STK31: variants seen among roughly 807,000 people sequenced by gnomAD.
STK31 encodes the protein serine/threonine kinase 31, also known as serine/threonine-protein kinase 31.
In STK31, 89 loss-of-function variants were observed where a neutral mutation model predicts 129.7. The ratio of observed to expected loss-of-function variants is 0.69; its 90% CI spans 0.58 to 0.82. The LOEUF (loss-of-function observed/expected upper bound fraction) is 0.82, where lower values mean the gene tolerates loss of function less well. Ranked by LOEUF, STK31 falls within the 40% of genes least tolerant of loss-of-function variation. The pLI is 0.00. For synonymous variants in STK31, 448 were observed against 395.3 expected (o/e 1.13, Z -1.58); for missense variants, 1,187 against 1,176.4 (o/e 1.01, Z -0.13).
chr7:23,769,803 T>G (rs1156442110), intron 13 of STK31, 47 bp downstream of exon 13: 2 of 1,265,930 alleles, frequency 1.6e-6, no homozygotes. Context: ...AGCAGTGTGG[T>G]TTCCTTTCAT....
chr7:23,769,468 C>T (rs1790046405), intron 12 of STK31, among the ~76,000 whole-genome samples, 172 bp from the exon 13 acceptor site: 1 of 152,034 alleles, frequency 6.6e-6, no homozygotes, highest in Non-Finnish European at 1.5e-5. Context: ...TGTGTATGTA[C>T]CTTTTCCTTT....
chr7:23,766,206 G>T (rs112521399), intron 11 of STK31, among the ~76,000 whole-genome samples: 2,136 of 152,202 alleles, frequency 0.014, 42 homozygotes, highest in African/African-American at 0.049. Flanking sequence ...CAAGTTCAAA[G>T]GCCATGTTTC....
chr7:23,751,536 A>G (rs147892386), intron 8 of STK31, among the ~76,000 whole-genome samples: 2,488 of 152,290 alleles, frequency 0.016, 25 homozygotes, highest in Non-Finnish European at 0.025. Flanking sequence ...TGTATCCTAT[A>G]GCTGTTGGGT....
chr7:23,804,477 A>G (rs1285876272), intron 22 of STK31, among the ~76,000 whole-genome samples: 1 of 152,218 alleles, frequency 6.6e-6, no homozygotes, highest in East Asian at 1.9e-4. Flanking sequence ...CCACAGTTAT[A>G]TGCTGAAGTA....
intron 6 of STK31, among the ~76,000 whole-genome samples, chr7:23,730,381 C>A (rs925546304): frequency 6.6e-6 from 1 of 152,098 alleles, no homozygotes; most frequent in Non-Finnish European, 1.5e-5. Flanking sequence ...AAAAACATTT[C>A]TGTACATGAA....
rs577266762 is a variant in STK31 at position 23,784,280 on chromosome 7, C to T, written c.2148+617C>T. 5.3e-5 allele frequency among the ~76,000 whole-genome samples: 8 copies of T among 152,214 alleles called. No homozygotes were observed. In the East Asian group the frequency reaches 1.5e-3, roughly 29 times the overall value. On this transcript the variant is annotated intron_variant, in intron 17 of 23. Coordinates refer to ENST00000355870, the MANE Select transcript of STK31 (RefSeq NM_031414.5). ...TGAGGTATTTATTCATTAAGATTGT[C>T]ACGAAGTCCATTATAATGGCTTAAA...
At chr7:23,800,802 A>G (rs1326473166) in intron 22 of STK31, among the ~76,000 whole-genome samples, 2 of 151,732 alleles carry the variant, frequency 1.3e-5, no homozygotes, top group Admixed American at 6.6e-5. Context: ...TATTAGTGGT[A>G]TCATACAGTA....
intron 22 of STK31, among the ~76,000 whole-genome samples, chr7:23,806,042 C>A (rs1792686523): frequency 6.6e-6 from 1 of 152,198 alleles, no homozygotes. Context: ...TGCAAGACCA[C>A]CTTCTGCCTT....
chr7:23,761,573 ACT>A (rs1470648123), intron 10 of STK31, among the ~76,000 whole-genome samples: 1 of 151,182 alleles, frequency 6.6e-6, no homozygotes, highest in Admixed American at 6.6e-5. Flanking sequence ...GGCGCCTGCC[ACT>A]CTGCCCAGCT....
intron 15 of STK31, among the ~76,000 whole-genome samples, chr7:23,778,507 G>A (rs191782789): frequency 1.3e-5 from 2 of 151,988 alleles, no homozygotes; most frequent in African/African-American, 2.4e-5. Flanking sequence ...TCACATAGTC[G>A]AATATTTCTT....
At chr7:23,730,874 A>ATTTTTTTTTT (rs1460221456) in intron 6 of STK31, among the ~76,000 whole-genome samples, 1 of 59,732 alleles carries the variant, frequency 1.7e-5, no homozygotes, top group Admixed American at 2.7e-4. Flanking sequence ...ATATATATAT[A>ATTTTTTTTTT]TATATTTTTT....
At chr7:23,827,892 G>C (rs577217635) in intron 23 of STK31, among the ~76,000 whole-genome samples, 2 of 152,294 alleles carry the variant, frequency 1.3e-5, no homozygotes, top group East Asian at 3.9e-4. Flanking sequence ...ATCAGCAGTG[G>C]TGGCTGCAGA....
rs2128103773 is a variant in STK31, at chr7:23,771,034, T to C, written c.1743T>C (p.Ile581=). ...VDQGDADKEI[I]SNTYSQVLQK... ...AAGGTGATGCAGACAAGGAGATAAT[T>C]TCAAATACATATAGTCAAGTACTGC... is the stretch of plus-strand genomic sequence containing the variant. Residue 581 remains isoleucine (I), a synonymous_variant, in exon 14 of 24, where the codon ATT becomes ATC. Coordinates refer to ENST00000355870, the MANE Select transcript of STK31 (RefSeq NM_031414.5). The C allele has an allele frequency of 6.2e-7, 1 of 1,612,200 alleles. No homozygotes were observed. The highest frequency in any genetic ancestry group is 2.2e-5 in the East Asian group (1 of 44,742).
At position 23,772,218 on chromosome 7, in the gene STK31, A is replaced by G. The variant is rs779610411; in HGVS notation, c.1905A>G (p.Thr635=). The G allele has an allele frequency of 8.7e-6, 14 of 1,609,166 alleles. No individual in the cohort carries two copies. The South Asian group carries it at 1.2e-4, about 14-fold the overall frequency. The change falls in exon 15 of 24, where the codon ACA becomes ACG. Residue 635 remains threonine, a synonymous_variant. Coordinates refer to ENST00000355870, the MANE Select transcript of STK31 (RefSeq NM_031414.5). The part of the protein sequence containing the change: ...SVDHLLSIKK[T]LKSLKALLRW... ...ATCACTTGCTATCCATTAAGAAGAC[A>G]TTGAAAAGCTTAAAAGCTCTACTCA...
chr7:23,712,942 T>C (rs1386961714), intron 3 of STK31, among the ~76,000 whole-genome samples: 1 of 152,142 alleles, frequency 6.6e-6, no homozygotes. Flanking sequence ...CCCTACAGCA[T>C]GGGAACTCCT....
chr7:23,818,950 A>G (rs1467742265), intron 23 of STK31, among the ~76,000 whole-genome samples: 1 of 152,240 alleles, frequency 6.6e-6, no homozygotes, highest in South Asian at 2.1e-4. Context: ...ATCAGCTTTC[A>G]TGGCTATTCT....
chr7:23,762,482 G>A (rs1026921343), intron 10 of STK31, among the ~76,000 whole-genome samples: 13 of 152,024 alleles, frequency 8.6e-5, no homozygotes, highest in African/African-American at 2.7e-4. Flanking sequence ...GTTGAGAATG[G>A]GATGGGAATA....
intron 15 of STK31, among the ~76,000 whole-genome samples, chr7:23,778,696 TC>T (rs1485343241): frequency 6.6e-6 from 1 of 152,064 alleles, no homozygotes; most frequent in African/African-American, 2.4e-5. Flanking sequence ...TCATTTATGT[TC>T]TTCTCTAAAC....
intron 17 of STK31, 46 bp downstream of exon 17, chr7:23,783,709 G>A (rs753173164): frequency 7.0e-7 from 1 of 1,427,662 alleles, no homozygotes; most frequent in Non-Finnish European, 9.7e-7. Context: ...AGAGGGTGTT[G>A]AAAAGTGATA....
Sources: allele counts gnomAD v4.1 joint callset (sites outside exome capture counted in the v4.1 genomes callset), GRCh38; gene constraint gnomAD v4.1.1; transcripts MANE v1.5; gene names NCBI Gene and HGNC (gene_info 2026-07-23, HGNC 2026-07-21).